The following PRKN variants were observed in gnomAD, a reference collection of about 807,000 sequenced individuals.
The protein encoded by PRKN is E3 ubiquitin-protein ligase parkin.
A neutral mutation model predicts 59.5 loss-of-function variants in PRKN; 56 were observed. The observed-to-expected ratio is 0.94, with a 90% CI of 0.76 to 1.18. PRKN has a LOEUF of 1.18. Ranked by LOEUF, PRKN falls within the 50% of genes most tolerant of loss-of-function variation. The pLI, the probability that PRKN is intolerant of heterozygous loss-of-function variation, is 0.00. For synonymous variants in PRKN, 250 were observed against 222.1 expected (o/e 1.13, Z -1.12); for missense variants, 657 against 596.4 (o/e 1.10, Z -1.06).
At chr6:161,425,742 G>T (rs752859753) in intron 9 of PRKN, among the ~76,000 whole-genome samples, 1 of 152,114 alleles carries the variant, frequency 6.6e-6, no homozygotes, top group Non-Finnish European at 1.5e-5. Context: ...ATTATGAGGA[G>T]ATGAATTTGT....
At position 161,581,271 on chromosome 6, in the gene PRKN, G is replaced by A. The variant is rs1386627239; in HGVS notation, c.872-11855C>T. Among the ~76,000 whole-genome samples the A allele has an allele frequency of 6.6e-6, 1 of 152,042 alleles. No homozygotes were observed. The highest frequency in any genetic ancestry group is 1.5e-5 in the Non-Finnish European group (1 of 68,020). Reference sequence around the variant, plus strand: ...ATTTTAAGAACTTTCATAGGCATGAGTAAAGCTACTGCAGTGAAAGAACCT... The same window carrying A: ...ATTTTAAGAACTTTCATAGGCATGAATAAAGCTACTGCAGTGAAAGAACCT... On this transcript the variant is annotated intron_variant, in intron 7 of 11. Coordinates refer to ENST00000366898, the MANE Select transcript of PRKN (RefSeq NM_004562.3). This position sits in a 1 kb window ranked among gnomAD's most constrained non-coding sequence, Gnocchi z 4.5.
chr6:161,645,181 T>C (rs955778318), intron 7 of PRKN, among the ~76,000 whole-genome samples: 7 of 151,804 alleles, frequency 4.6e-5, no homozygotes, highest in Non-Finnish European at 1.0e-4. Context: ...GCAAAATATA[T>C]GACTGATGAT....
Position 161,363,708 on chromosome 6 carries a change from TG to T in PRKN, c.1168-3504del, listed in dbSNP as rs1295132426. On this transcript the variant is annotated intron_variant, in intron 10 of 11. Transcript: ENST00000366898. The surrounding 1 kb of genome is among the most constrained non-coding windows in gnomAD (Gnocchi z 4.1). ...TCCCCCCAGCTGATTTCTTAATGCA[TG>T]GGTGCTGGCAGACAGTGATGGTATC... Among the ~76,000 whole-genome samples, 1 of 152,192 alleles carries T rather than the reference TG, an allele frequency of 6.6e-6. No individual in the cohort carries two copies. The highest frequency in any genetic ancestry group is 2.4e-5 in the African/African-American group (1 of 41,438).
chr6:162,649,815 C>T (rs1459564598), intron 1 of PRKN, among the ~76,000 whole-genome samples: 1 of 152,108 alleles, frequency 6.6e-6, no homozygotes, highest in Non-Finnish European at 1.5e-5. Flanking sequence ...AGTGATTAAG[C>T]CGAGCAGGGC....
At chr6:161,711,777 C>G (rs7773627) in intron 7 of PRKN, among the ~76,000 whole-genome samples, 64,329 of 152,052 alleles carry the variant, frequency 0.42, 14,094 homozygotes, top group Admixed American at 0.6. Context: ...CTGGCTGAGT[C>G]TTCCAGCCTT....
Position 161,405,291 on chromosome 6 carries a change from G to A in PRKN, c.1084-18414C>T, listed in dbSNP as rs1236064917. 2.0e-5 allele frequency among the ~76,000 whole-genome samples: 3 copies of A among 152,080 alleles called. No homozygotes were observed. The highest frequency in any genetic ancestry group is 6.6e-5 in the Admixed American group (1 of 15,258). Reference sequence around the variant, plus strand: ...TTTTCAAAATTGCTGTTTAAAAGTGGGTCTGACTGGGCATGGTGGCTCATG... The same window carrying A: ...TTTTCAAAATTGCTGTTTAAAAGTGAGTCTGACTGGGCATGGTGGCTCATG... On this transcript the variant is annotated intron_variant, in intron 9 of 11. Coordinates refer to ENST00000366898, the MANE Select transcript of PRKN (RefSeq NM_004562.3). The surrounding 1 kb of genome is among the most constrained non-coding windows in gnomAD (Gnocchi z 5.1).
chr6:162,378,135 T>C (rs1373402884), intron 2 of PRKN, among the ~76,000 whole-genome samples: 2 of 152,166 alleles, frequency 1.3e-5, no homozygotes, highest in African/African-American at 2.4e-5. Context: ...AGAAAGACCA[T>C]CTATCTGGAG....
intron 5 of PRKN, among the ~76,000 whole-genome samples, chr6:162,004,990 T>C (rs557339130): frequency 1.3e-5 from 2 of 152,342 alleles, no homozygotes; most frequent in East Asian, 1.9e-4. Context: ...AAATATTAAT[T>C]AATTGTCTGT....
At chr6:162,492,042 A>G (rs997392108) in intron 1 of PRKN, among the ~76,000 whole-genome samples, 1 of 152,104 alleles carries the variant, frequency 6.6e-6, no homozygotes, top group African/African-American at 2.4e-5. Flanking sequence ...GAGGAAATGG[A>G]AACAAGATGG....
chr6:161,743,700 C>T (rs966657191), intron 7 of PRKN, among the ~76,000 whole-genome samples: 4 of 152,158 alleles, frequency 2.6e-5, no homozygotes, highest in Admixed American at 6.5e-5. Context: ...CCGTGAGCCC[C>T]GAGGAAGGCC....
intron 2 of PRKN, among the ~76,000 whole-genome samples, chr6:162,300,867 A>G (rs908536348): frequency 2.0e-5 from 3 of 152,104 alleles, no homozygotes; most frequent in African/African-American, 7.2e-5. Context: ...CCTATACATT[A>G]ACAAAATAAA....
intron 1 of PRKN, among the ~76,000 whole-genome samples, chr6:162,593,122 A>G (rs1440199463): frequency 6.6e-6 from 1 of 152,198 alleles, no homozygotes; most frequent in Non-Finnish European, 1.5e-5. Flanking sequence ...GCAATTATAT[A>G]CGAAACAGAA....
At chr6:161,794,256 C>G (rs1255512423) in intron 6 of PRKN, among the ~76,000 whole-genome samples, 1 of 152,122 alleles carries the variant, frequency 6.6e-6, no homozygotes, top group South Asian at 2.1e-4. Flanking sequence ...TCAATATATA[C>G]CTGCTGAGGT....
intron 6 of PRKN, among the ~76,000 whole-genome samples, chr6:161,791,579 A>AAAT (rs1037326466): frequency 1.3e-5 from 2 of 152,304 alleles, no homozygotes; most frequent in Non-Finnish European, 2.9e-5. Context: ...ATACTCATTA[A>AAAT]GAGAGAGGCT....
intron 1 of PRKN, among the ~76,000 whole-genome samples, chr6:162,496,531 G>A: frequency 6.6e-6 from 1 of 152,102 alleles, no homozygotes. Flanking sequence ...ATTTAGAAAA[G>A]TTGACTCCTC....
rs984230119 is a variant in PRKN at position 162,056,102 on chromosome 6, A to C, written c.535-1928T>G. Among the ~76,000 whole-genome samples, 4 of 151,202 alleles carry C rather than the reference A, an allele frequency of 2.6e-5. No individual in the cohort carries two copies. Among genetic ancestry groups the C allele is most frequent in the African/African-American group, 9.7e-5 (4 of 41,102 alleles). ...ACATCCCACACACCTCACACACCCC[A>C]CACACATATACCCACATGCATGCAC... On this transcript the variant is annotated intron_variant, in intron 4 of 11. Transcript: ENST00000366898. The surrounding 1 kb of genome is among the most constrained non-coding windows in gnomAD (Gnocchi z 4.9).
At chr6:161,878,002 C>G (rs1794799570) in intron 6 of PRKN, among the ~76,000 whole-genome samples, 1 of 152,106 alleles carries the variant, frequency 6.6e-6, no homozygotes, top group South Asian at 2.1e-4. Context: ...CCATGGCCGA[C>G]ACTTGGAGGT....
chr6:162,447,630 T>C (rs1790385103), intron 1 of PRKN, among the ~76,000 whole-genome samples: 1 of 152,170 alleles, frequency 6.6e-6, no homozygotes, highest in Non-Finnish European at 1.5e-5. Context: ...GAAAGGGTTA[T>C]TGGTGGATGG....
In PRKN at chr6:161,840,439, T is replaced by C. The variant is rs78739938; in HGVS notation, c.735-54531A>G. 2.7e-4 allele frequency among the ~76,000 whole-genome samples: 41 copies of C among 152,332 alleles called. No homozygotes were observed. In the East Asian group the frequency reaches 3.7e-3, roughly 14 times the overall value. ...ATCACAGGAGAAAAGCCCCATCCAT[T>C]CCGCTCTTTCTTTTTAACAAGTTCA... On this transcript the variant is annotated intron_variant, in intron 6 of 11. Transcript: ENST00000366898.
Sources: allele counts gnomAD v4.1 joint callset (sites outside exome capture counted in the v4.1 genomes callset), GRCh38; gene constraint gnomAD v4.1.1; non-coding constraint Gnocchi (gnomAD v3.1); transcripts MANE v1.5; gene names NCBI Gene and HGNC (gene_info 2026-07-23, HGNC 2026-07-21).